The following TMEM235 variants were observed in gnomAD, a reference collection of about 807,000 sequenced individuals.
The protein encoded by TMEM235 is transmembrane protein 235.
TMEM235 carries 23 observed loss-of-function variants against 22.9 expected under a neutral mutation model. That is an observed-to-expected ratio of 1.00 (90% CI 0.72 to 1.42). The LOEUF (loss-of-function observed/expected upper bound fraction) is 1.42. Among genes scored for constraint, TMEM235 ranks in the 40% most tolerant of loss-of-function variants. The pLI is 0.00. For missense variants in TMEM235, 308 were observed against 299.5 expected, an observed-to-expected ratio of 1.03 and a Z score of -0.21; for synonymous variants, 137 against 140.5, an observed-to-expected ratio of 0.98 and a Z score of 0.17.
Position 78,237,590 on chromosome 17 carries a change from G to A in TMEM235, c.410-1434G>A, listed in dbSNP as rs938263595. 3.9e-5 allele frequency among the ~76,000 whole-genome samples: 6 copies of A among 152,064 alleles called. No homozygotes were observed. The highest frequency in any genetic ancestry group is 1.4e-4 in the African/African-American group (6 of 41,404). On this transcript the variant is annotated intron_variant, in intron 4 of 5. Transcript: ENST00000421688. This position sits in a 1 kb window ranked among gnomAD's most constrained non-coding sequence, Gnocchi z 4.7. ...GTGTTTGGAGAGGGCTCAGCTGGTG[G>A]GGCGGCCTGCCAGGAAGTGGGGCCT...
rs962259084 is a variant in TMEM235, at chr17:78,237,300, C to T, written c.410-1724C>T. ...GGGAGGGAGATAGAGGGCCCCAGATCGATTGGGTGCCCTTCCCTGAGACAG... is the reference window on the plus strand; with the variant it reads ...GGGAGGGAGATAGAGGGCCCCAGATTGATTGGGTGCCCTTCCCTGAGACAG... On this transcript the variant is annotated intron_variant, in intron 4 of 5. Coordinates refer to ENST00000421688, the Ensembl canonical transcript of TMEM235. This position sits in a 1 kb window ranked among gnomAD's most constrained non-coding sequence, Gnocchi z 4.7. 4.6e-5 allele frequency among the ~76,000 whole-genome samples: 7 copies of T among 152,074 alleles called. No individual in the cohort carries two copies. The highest frequency in any genetic ancestry group is 2.1e-4 in the South Asian group (1 of 4,814).
rs187380332 is a variant in TMEM235 at position 78,237,217 on chromosome 17, C to G, written c.410-1807C>G. 2.2e-4 allele frequency among the ~76,000 whole-genome samples: 33 copies of G among 152,250 alleles called. No homozygotes were observed. The East Asian group carries it at 6.2e-3, about 29-fold the overall frequency. ...ACAGAGGGCTCTCAGGATGTCACAC[C>G]AAAGGCACCTGCCCAGGGTCAGCTC... On this transcript the variant is annotated intron_variant, in intron 4 of 5. Transcript: ENST00000421688. This position sits in a 1 kb window ranked among gnomAD's most constrained non-coding sequence, Gnocchi z 4.7.
chr17:78,239,940 C>T (rs767435368), exon 6 of TMEM235: 2 of 1,550,114 alleles, frequency 1.3e-6, no homozygotes, highest in South Asian at 2.4e-5. Flanking sequence ...CCCGAGAGCC[C>T]CTCCGATTTG....
At chr17:78,240,139 G>A in exon 6 of TMEM235, 1 of 1,193,088 alleles carries the variant, frequency 8.4e-7, no homozygotes, top group Non-Finnish European at 1.1e-6. Flanking sequence ...GCAACCCGGG[G>A]GAGGTATGCC....
Position 78,237,155 on chromosome 17 carries a change from C to T in TMEM235, c.410-1869C>T, listed in dbSNP as rs533707421. Among the ~76,000 whole-genome samples, 22 of 152,226 alleles carry T rather than the reference C, an allele frequency of 1.4e-4. No individual in the cohort carries two copies. The highest frequency in any genetic ancestry group is 4.8e-4 in the African/African-American group (20 of 41,530). ...TCCAGCCTCCCCAGGCAGAGGGGGCCTCCATCCTAGTATGAGGGTCAGCTG... is the reference window on the plus strand; with the variant it reads ...TCCAGCCTCCCCAGGCAGAGGGGGCTTCCATCCTAGTATGAGGGTCAGCTG... On this transcript the variant is annotated intron_variant, in intron 4 of 5. Coordinates refer to ENST00000421688, the Ensembl canonical transcript of TMEM235. This position sits in a 1 kb window ranked among gnomAD's most constrained non-coding sequence, Gnocchi z 4.7.
rs1567873145 is a variant in TMEM235, at chr17:78,233,902, CG to C, written c.200del (p.Gly67AlafsTer36). On this transcript the variant is annotated frameshift_variant, in exon 3 of 6. Coordinates refer to ENST00000421688, the Ensembl canonical transcript of TMEM235. LOFTEE classifies it high-confidence loss of function. ...GAGGCCTATGTTTCCCAGGGCAGAA[CG>C]GCTGCATCCCGCTGGTCGACCCTTT... 6.5e-7 allele frequency: 1 copy of C among 1,535,872 alleles called. No individual in the cohort carries two copies. Among genetic ancestry groups the C allele is most frequent in the African/African-American group, 1.4e-5 (1 of 73,120 alleles).
rs143736214 is a variant in TMEM235 at position 78,238,072 on chromosome 17, CT to C, written c.410-951del. ...GGGGAAATCAGGGCCACCTGCCCCC[CT>C]GGCTAACATTCCCTACAGTCGGCGC... On this transcript the variant is annotated intron_variant, in intron 4 of 5. Coordinates refer to ENST00000421688, the Ensembl canonical transcript of TMEM235. The surrounding 1 kb of genome is among the most constrained non-coding windows in gnomAD (Gnocchi z 4.3). Among the ~76,000 whole-genome samples, 8,087 of 152,324 alleles carry C rather than the reference CT, an allele frequency of 0.053. 260 individuals carry two copies. The highest frequency in any genetic ancestry group is 0.063 in the African/African-American group (2,631 of 41,586).
intron 4 of TMEM235, among the ~76,000 whole-genome samples, chr17:78,236,236 G>A (rs2076641887): frequency 6.6e-6 from 1 of 152,120 alleles, no homozygotes; most frequent in African/African-American, 2.4e-5. Flanking sequence ...GATCATGCGG[G>A]GGGGCCTGGG....
intron 5 of TMEM235, among the ~76,000 whole-genome samples, 194 bp downstream of exon 4, chr17:78,239,467 TCC>T (rs911692690): frequency 1.3e-5 from 2 of 152,078 alleles, no homozygotes; most frequent in African/African-American, 2.4e-5. Flanking sequence ...TTGGGGAGGC[TCC>T]CCTGCCCCGG....
At chr17:78,239,338 G>T in intron 5 of TMEM235, 65 bp downstream of exon 4, 5 of 1,478,060 alleles carry the variant, frequency 3.4e-6, no homozygotes, top group Admixed American at 2.2e-5. Context: ...AGGGCCCCTT[G>T]AGAGTCTGGG....
At chr17:78,235,600 T>TTG (rs1555612097) in intron 4 of TMEM235, among the ~76,000 whole-genome samples, 1 of 42,274 alleles carries the variant, frequency 2.4e-5, no homozygotes, top group East Asian at 1.0e-3. Context: ...TGCTACATAG[T>TTG]TTTTTTTTTT....
chr17:78,239,195 T>G, exon 5 of TMEM235: 2 of 1,543,444 alleles, frequency 1.3e-6, no homozygotes, highest in Non-Finnish European at 1.7e-6. Context: ...AGCGGAACCC[T>G]CCTGCTCTCA....
chr17:78,240,030 TTTCAC>T, exon 6 of TMEM235: 1 of 1,509,556 alleles, frequency 6.6e-7, no homozygotes, highest in Non-Finnish European at 8.9e-7. Flanking sequence ...GCTAGGTACT[TTTCAC>T]TGAGCACTTC....
At chr17:78,240,011 C>T in exon 6 of TMEM235, 2 of 1,528,796 alleles carry the variant, frequency 1.3e-6, no homozygotes, top group Non-Finnish European at 1.8e-6. Flanking sequence ...CTCCCTTGTT[C>T]TCAAGCCTGC....
chr17:78,233,357 T>A (rs905308854), intron 2 of TMEM235, among the ~76,000 whole-genome samples: 2 of 152,188 alleles, frequency 1.3e-5, no homozygotes, highest in Non-Finnish European at 2.9e-5. Flanking sequence ...GGGGCCTCCA[T>A]GGAGCGTTTG....
intron 4 of TMEM235, 146 bp downstream of exon 3, chr17:78,234,876 G>C (rs1178241264): frequency 9.5e-7 from 1 of 1,049,154 alleles, no homozygotes; most frequent in African/African-American, 1.6e-5. Flanking sequence ...GTGGCAGGCA[G>C]CTCCCTGTGG....
chr17:78,240,104 C>G, exon 6 of TMEM235: 1 of 1,364,198 alleles, frequency 7.3e-7, no homozygotes, highest in South Asian at 1.4e-5. Context: ...CTGCTGCTTC[C>G]GGCCCCCGAC....
At chr17:78,233,453 A>G (rs1420914614) in intron 2 of TMEM235, among the ~76,000 whole-genome samples, 1 of 152,178 alleles carries the variant, frequency 6.6e-6, no homozygotes, top group Non-Finnish European at 1.5e-5. Flanking sequence ...CACGCCTGTA[A>G]TCCCAGCACT....
At chr17:78,234,544 G>A in intron 3 of TMEM235, 49 bp from the exon 3 acceptor site, 23 of 1,533,302 alleles carry the variant, frequency 1.5e-5, no homozygotes, top group Middle Eastern at 1.7e-4. Context: ...GACAAGTGCT[G>A]AAGGGCCCAC....
Sources: gnomAD v4.1 joint callset for allele counts (sites outside exome capture counted in the v4.1 genomes callset) on GRCh38, gnomAD v4.1.1 for gene constraint, Gnocchi (gnomAD v3.1) non-coding constraint, MANE v1.5 for transcripts, NCBI Gene and HGNC (gene_info 2026-07-23, HGNC 2026-07-21) for gene names.